ASTN2: variants seen among roughly 807,000 people sequenced by gnomAD.
ASTN2 encodes the protein astrotactin-2.
Under a neutral mutation model 139.8 loss-of-function variants are expected in ASTN2, and 54 were observed. That is an observed-to-expected ratio of 0.39 (90% CI 0.31 to 0.48). ASTN2 has a LOEUF of 0.48. ASTN2 is among the 20% of genes least tolerant of loss of function. The pLI is 0.95. For missense variants in ASTN2, 1,565 were observed against 1,725.1 expected, an observed-to-expected ratio of 0.91 and a Z score of 1.64; for synonymous variants, 756 against 719.5, an observed-to-expected ratio of 1.05 and a Z score of -0.81.
At chr9:116,810,775 C>A (rs1831143389) in intron 12 of ASTN2, among the ~76,000 whole-genome samples, 1 of 152,050 alleles carries the variant, frequency 6.6e-6, no homozygotes, top group South Asian at 2.1e-4. Context: ...TAGATGTTAT[C>A]CATTACTTGA....
intron 5 of ASTN2, among the ~76,000 whole-genome samples, chr9:117,048,101 T>C (rs988398614): frequency 6.6e-5 from 10 of 152,312 alleles, no homozygotes; most frequent in African/African-American, 2.2e-4. Flanking sequence ...TCCAAGCTCT[T>C]AACCATCATC....
rs367558892 is a variant in ASTN2, at chr9:116,618,394, C to A, written c.3285G>T (p.Gly1095=). The A allele has an allele frequency of 1.2e-6, 2 of 1,614,136 alleles. No individual in the cohort carries two copies. The highest frequency in any genetic ancestry group is 8.5e-7 in the Non-Finnish European group (1 of 1,179,982). Residue 1095 remains glycine (G), a synonymous_variant, in exon 19 of 23, where the codon GGG becomes GGT. Coordinates refer to ENST00000313400, the MANE Select transcript of ASTN2 (RefSeq NM_001365068.1). ...GCAGAATATAGTCGGAGACCTTGGT[C>A]CCAATAGCTGGCTGAACATCCACCC... is the stretch of plus-strand genomic sequence containing the variant. The part of the protein sequence containing the change: ...LEWVDVQPAI[G]TKVSDYILQH...
chr9:116,745,184 T>TA (rs111259025), intron 13 of ASTN2, among the ~76,000 whole-genome samples: 3 of 152,332 alleles, frequency 2.0e-5, no homozygotes, highest in African/African-American at 7.2e-5. Context: ...GTGTCTTATT[T>TA]AAGGCCTTGC....
chr9:117,169,841 G>C (rs1388364272), intron 3 of ASTN2, among the ~76,000 whole-genome samples: 1 of 152,112 alleles, frequency 6.6e-6, no homozygotes, highest in Non-Finnish European at 1.5e-5. Flanking sequence ...CAAAAGCAAG[G>C]AGGAGATATG....
chr9:116,649,164 T>C (rs564878394), intron 17 of ASTN2, among the ~76,000 whole-genome samples: 1 of 152,316 alleles, frequency 6.6e-6, no homozygotes, highest in African/African-American at 2.4e-5. Context: ...CATCACTTCC[T>C]TGCTTCCCTT....
In ASTN2 at chr9:116,690,194, A is replaced by G. The variant is rs1270245437; in HGVS notation, c.2806+35577T>C. On this transcript the variant is annotated intron_variant, in intron 16 of 22. Coordinates refer to ENST00000313400, the MANE Select transcript of ASTN2 (RefSeq NM_001365068.1). ...CAGTAGCTACGGCACTTGTCCTGTC[A>G]GCCTCAATCTATTAAAAATGCAAAT... 2.0e-5 allele frequency among the ~76,000 whole-genome samples: 3 copies of G among 152,360 alleles called. No homozygotes were observed. The East Asian group carries it at 5.8e-4, about 29-fold the overall frequency.
intron 16 of ASTN2, among the ~76,000 whole-genome samples, chr9:116,689,097 G>A (rs1040164041): frequency 6.6e-6 from 1 of 152,098 alleles, no homozygotes; most frequent in Middle Eastern, 3.2e-3. Context: ...CAATGTGTGG[G>A]ATACGCCCTT....
intron 10 of ASTN2, among the ~76,000 whole-genome samples, chr9:116,887,423 A>C (rs1237731891): frequency 1.3e-5 from 2 of 151,606 alleles, no homozygotes; most frequent in Non-Finnish European, 2.9e-5. Context: ...CAGAGGGAGA[A>C]AGGGAATTCT....
chr9:116,847,043 AAAAAC>A (rs1832458310), intron 11 of ASTN2, among the ~76,000 whole-genome samples: 1 of 149,814 alleles, frequency 6.7e-6, no homozygotes, highest in African/African-American at 2.5e-5. Flanking sequence ...ACAAAAAACA[AAAAAC>A]AAAAAAAAAC....
chr9:117,243,139 A>T (rs1473195735), intron 2 of ASTN2, among the ~76,000 whole-genome samples: 1 of 152,210 alleles, frequency 6.6e-6, no homozygotes, highest in East Asian at 1.9e-4. Flanking sequence ...AGGCTTAGCA[A>T]GGTCATGTGA....
intron 19 of ASTN2, among the ~76,000 whole-genome samples, chr9:116,565,388 C>CCATAT (rs1564120372): frequency 2.1e-4 from 7 of 34,024 alleles, no homozygotes; most frequent in Middle Eastern, 0.031. Context: ...TCTCTCTCTC[C>CCATAT]ATATATATAT....
intron 1 of ASTN2, among the ~76,000 whole-genome samples, chr9:117,326,710 G>T (rs1051120348): frequency 6.6e-6 from 1 of 152,170 alleles, no homozygotes; most frequent in African/African-American, 2.4e-5. Context: ...CTGATATGTG[G>T]AAAGGCAGAC....
chr9:116,559,965 G>A (rs948286184), intron 19 of ASTN2, among the ~76,000 whole-genome samples: 2 of 152,092 alleles, frequency 1.3e-5, no homozygotes, highest in African/African-American at 4.8e-5. Context: ...TATTGATAAA[G>A]AAACAACTGT....
chr9:116,597,176 A>T (rs947624735), intron 19 of ASTN2, among the ~76,000 whole-genome samples: 1 of 152,058 alleles, frequency 6.6e-6, no homozygotes, highest in Non-Finnish European at 1.5e-5. Context: ...TCCAGAGGTA[A>T]TTCTCCCCAG....
intron 13 of ASTN2, among the ~76,000 whole-genome samples, chr9:116,753,181 T>C (rs1006124521): frequency 7.2e-5 from 11 of 152,162 alleles, no homozygotes; most frequent in African/African-American, 2.7e-4. Context: ...TTTTAAAAAA[T>C]GAGCTATCTA....
chr9:116,958,681 T>C (rs1353238055), intron 10 of ASTN2, among the ~76,000 whole-genome samples: 3 of 152,104 alleles, frequency 2.0e-5, no homozygotes, highest in African/African-American at 7.2e-5. Flanking sequence ...GGAATAGCCC[T>C]AGTCACTGGA....
chr9:116,822,279 A>G (rs920842572), intron 11 of ASTN2, among the ~76,000 whole-genome samples: 15 of 152,320 alleles, frequency 9.8e-5, no homozygotes, highest in African/African-American at 3.6e-4. Flanking sequence ...GTTCTTCAAG[A>G]CATTTGAGAC....
At chr9:117,137,496 C>T (rs1243113051) in intron 4 of ASTN2, among the ~76,000 whole-genome samples, 2 of 152,120 alleles carry the variant, frequency 1.3e-5, no homozygotes, top group African/African-American at 2.4e-5. Context: ...TGGAGCATTT[C>T]CAAAATTCTG....
intron 6 of ASTN2, among the ~76,000 whole-genome samples, chr9:117,015,304 C>A (rs115906322): frequency 0.019 from 2,899 of 152,244 alleles, 113 homozygotes; most frequent in African/African-American, 0.067. Flanking sequence ...CAGGTGTGAA[C>A]CCCTGCCCTT....
Sources: gnomAD v4.1 joint callset for allele counts (sites outside exome capture counted in the v4.1 genomes callset) on GRCh38, gnomAD v4.1.1 for gene constraint, MANE v1.5 for transcripts, NCBI Gene and HGNC (gene_info 2026-07-23, HGNC 2026-07-21) for gene names.